The following ECE1 variants were observed in gnomAD, a reference collection of about 807,000 sequenced individuals.
The protein encoded by ECE1 is endothelin converting enzyme 1, also known as endothelin-converting enzyme 1.
In ECE1, 35 loss-of-function variants were observed where a neutral mutation model predicts 98.6. The observed-to-expected ratio is 0.35, with a 90% CI of 0.27 to 0.47. The LOEUF (loss-of-function observed/expected upper bound fraction) is 0.47. Among genes scored for constraint, ECE1 ranks in the 20% least tolerant of loss-of-function variants. The pLI, the probability that ECE1 is intolerant of heterozygous loss-of-function variation, is 1.00. For missense variants in ECE1, 814 were observed against 1,025.3 expected, an observed-to-expected ratio of 0.79 and a Z score of 2.81; for synonymous variants, 394 against 407.1, an observed-to-expected ratio of 0.97 and a Z score of 0.39.
chr1:21,227,881 G>T (rs2098176347), intron 15 of ECE1, 50 bp downstream of exon 15: 1 of 1,447,664 alleles, frequency 6.9e-7, no homozygotes, highest in Non-Finnish European at 9.5e-7. Context: ...TGGGCCCCAG[G>T]GCTGGGCTGG....
intron 1 of ECE1, among the ~76,000 whole-genome samples, chr1:21,323,628 A>G: frequency 7.6e-6 from 1 of 131,582 alleles, no homozygotes; most frequent in South Asian, 2.2e-4. Flanking sequence ...CGTCCCAAAA[A>G]ACTAAAAATA....
chr1:21,236,574 G>A lies in ECE1; in HGVS notation c.1488+172C>T, dbSNP rs750574503. The stretch of plus-strand genomic sequence containing the variant: ...TGAGGTGGGAGAATCGCTTGAACCC[G>A]GGAGGCGGAGGTTGCGGTGAGCCAA... On this transcript the variant is annotated intron_variant, in intron 12 of 18. Transcript: ENST00000374893. Among the ~76,000 whole-genome samples, 9 of 152,196 alleles carry A rather than the reference G, an allele frequency of 5.9e-5. No individual in the cohort carries two copies. The East Asian group carries it at 1.3e-3, about 23-fold the overall frequency.
At chr1:21,309,800 G>C (rs78515482) in intron 1 of ECE1, among the ~76,000 whole-genome samples, 1 of 31,014 alleles carries the variant, frequency 3.2e-5, no homozygotes, top group Non-Finnish European at 6.7e-5. Flanking sequence ...TTTTTTTTTT[G>C]AGACGTTTTG....
At position 21,236,795 on chromosome 1, in the gene ECE1, C is replaced by G; in HGVS notation, c.1439G>C (p.Ser480Thr). The G allele has an allele frequency of 6.2e-7, 1 of 1,614,086 alleles. No individual in the cohort carries two copies. Among genetic ancestry groups the G allele is most frequent in the Non-Finnish European group, 8.5e-7 (1 of 1,180,022 alleles). The part of the protein sequence containing the change: ...EIKKAFEESL[S>T]TLKWMDEETR... ...TTCCTCATCCATCCACTTCAGGGTG[C>G]TCAGGCTTTCCTCAAATGCCTTCTT... is the stretch of plus-strand genomic sequence containing the variant. The change falls in exon 12 of 19, where the codon AGC (serine) becomes ACC (threonine). Residue 480 changes from serine to threonine, a missense_variant. This residue lies in a region of ECE1 where 452 missense variants were observed against 567.3 expected (regional missense o/e 0.80). Coordinates refer to ENST00000374893, the MANE Select transcript of ECE1 (RefSeq NM_001397.3).
Position 21,235,822 on chromosome 1 carries a change from G to GC in ECE1, c.1566+27dup. 6.2e-7 allele frequency: 1 copy of GC among 1,612,172 alleles called. No homozygotes were observed. Among genetic ancestry groups the GC allele is most frequent in the Non-Finnish European group, 8.5e-7 (1 of 1,178,188 alleles). On this transcript the variant is annotated intron_variant, in intron 13 of 18. Coordinates refer to ENST00000374893, the MANE Select transcript of ECE1 (RefSeq NM_001397.3). The surrounding 1 kb of genome is among the most constrained non-coding windows in gnomAD (Gnocchi z 4.2). ...CTTTTCTAAGGGGGCATTTAGGAAC[G>GC]CAAGGGGGCAGGGCAGCAGCTACTC...
chr1:21,221,018 C>G (rs1296337138), intron 18 of ECE1, among the ~76,000 whole-genome samples: 3 of 152,202 alleles, frequency 2.0e-5, no homozygotes, highest in African/African-American at 7.2e-5. Flanking sequence ...GCATTCGATT[C>G]CATCTGAACA....
At position 21,235,472 on chromosome 1, in the gene ECE1, T is replaced by C. The variant is rs913854471; in HGVS notation, c.1566+378A>G. ...GAGGTGGTGTGGGGGTTTTCCCACT[T>C]CATACCCCACCCCTGATGTCTGAGG... On this transcript the variant is annotated intron_variant, in intron 13 of 18. Coordinates refer to ENST00000374893, the MANE Select transcript of ECE1 (RefSeq NM_001397.3). The surrounding 1 kb of genome is among the most constrained non-coding windows in gnomAD (Gnocchi z 4.2). 2.0e-5 allele frequency among the ~76,000 whole-genome samples: 3 copies of C among 152,014 alleles called. No homozygotes were observed. The highest frequency in any genetic ancestry group is 2.9e-5 in the Non-Finnish European group (2 of 68,010).
Position 21,312,351 on chromosome 1 carries a change from T to C in ECE1, c.4-22195A>G, listed in dbSNP as rs144976501. On this transcript the variant is annotated intron_variant, in intron 1 of 18. Coordinates refer to the ECE1 transcript ENST00000415912. ...TACTCAGGAGGCTGAGGTGGGAGGA[T>C]TGCTTGAGCCCCAGGAGGCTGAGGC... Among the ~76,000 whole-genome samples the C allele has an allele frequency of 3.6e-4, 54 of 150,336 alleles. No individual in the cohort carries two copies. In the East Asian group the frequency reaches 0.011, roughly 29 times the overall value.
chr1:21,309,011 G>C (rs150213979), intron 1 of ECE1, among the ~76,000 whole-genome samples: 454 of 152,330 alleles, frequency 3.0e-3, no homozygotes, highest in Non-Finnish European at 5.5e-3. Context: ...AGGGCACCTA[G>C]CAGGAATCTG....
intron 1 of ECE1, among the ~76,000 whole-genome samples, chr1:21,316,744 T>C (rs1431154513): frequency 6.6e-6 from 1 of 152,092 alleles, no homozygotes. Flanking sequence ...AGCCACATCA[T>C]GGGATGGAAT....
intron 4 of ECE1, among the ~76,000 whole-genome samples, chr1:21,270,450 A>G (rs1218525470): frequency 6.6e-6 from 1 of 152,188 alleles, no homozygotes; most frequent in Non-Finnish European, 1.5e-5. Context: ...TGTGGGACAG[A>G]GGAAAGGGCA....
intron 8 of ECE1, among the ~76,000 whole-genome samples, chr1:21,247,577 A>G (rs1305479481): frequency 6.6e-6 from 1 of 152,170 alleles, no homozygotes; most frequent in Non-Finnish European, 1.5e-5. Context: ...TTTAACCTGA[A>G]ATGGAATGAG....
chr1:21,300,485 A>C (rs1427715616), intron 1 of ECE1, among the ~76,000 whole-genome samples: 1 of 151,604 alleles, frequency 6.6e-6, no homozygotes, highest in Non-Finnish European at 1.5e-5. Flanking sequence ...CCCTAGCTGG[A>C]GTGTAGTAGT....
intron 1 of ECE1, among the ~76,000 whole-genome samples, chr1:21,315,847 G>T (rs1394976887): frequency 6.6e-6 from 1 of 151,122 alleles, no homozygotes; most frequent in Non-Finnish European, 1.5e-5. Flanking sequence ...TAGGATTCTA[G>T]GGCTCTATGA....
chr1:21,275,902 C>T (rs1044442713), intron 3 of ECE1, among the ~76,000 whole-genome samples: 3 of 152,086 alleles, frequency 2.0e-5, no homozygotes, highest in Non-Finnish European at 4.4e-5. Context: ...TGCTATGTCA[C>T]GACCATCTCC....
Position 21,225,463 on chromosome 1 carries a change from A to T in ECE1, c.1850-23T>A, listed in dbSNP as rs750180147. 35 of 1,612,258 alleles carry T rather than the reference A, an allele frequency of 2.2e-5. No individual in the cohort carries two copies. Among genetic ancestry groups the T allele is most frequent in the Non-Finnish European group, 2.7e-5 (32 of 1,179,378 alleles). On this transcript the variant is annotated intron_variant, in intron 16 of 18. Transcript: ENST00000374893. This position sits in a 1 kb window ranked among gnomAD's most constrained non-coding sequence, Gnocchi z 5.3. ...GTCCTGTGGGTCAGAGGGAGGCGTC[A>T]TGTCAAGGGAGGGAGGGGCACAGCA... is the stretch of plus-strand genomic sequence containing the variant.
In ECE1 at chr1:21,290,125, T is replaced by A. The variant is rs1228517753; in HGVS notation, c.83A>T (p.Glu28Val). The change falls in exon 2 of 19, where the codon GAG becomes GTG. Residue 28 changes from glutamate (E) to valine (V), a missense_variant. Glu to Val is a moderately radical substitution (Grantham distance 121). Around this residue, in one of 3 missense-constraint regions of ECE1, gnomAD observed 257 missense variants for 278.9 expected, o/e 0.92. Coordinates refer to ENST00000374893, the MANE Select transcript of ECE1 (RefSeq NM_001397.3). This position sits in a 1 kb window ranked among gnomAD's most constrained non-coding sequence, Gnocchi z 7.3. ...MSTYKRATLD[E>V]EDLVDSLSEG... is the part of the protein sequence containing the mutation. Reference sequence around the variant, plus strand: ...GGAGAGCGAGTCCACCAGGTCCTCCTCGTCCAGCGTGGCCCGCTTGTACGT... The same window carrying A: ...GGAGAGCGAGTCCACCAGGTCCTCCACGTCCAGCGTGGCCCGCTTGTACGT... 1 of 1,561,076 alleles carries A rather than the reference T, an allele frequency of 6.4e-7. No individual in the cohort carries two copies. Among genetic ancestry groups the A allele is most frequent in the Non-Finnish European group, 8.7e-7 (1 of 1,154,994 alleles).
Position 21,319,142 on chromosome 1 carries a change from C to T in ECE1, c.3+26234G>A, listed in dbSNP as rs1296672488. ...GGTGGATTGCCTGAGCTTAGGAGTT[C>T]GAGACCAGCTTGGGCAACATGGTGA... On this transcript the variant is annotated intron_variant, in intron 1 of 18. Transcript: ENST00000415912. This position sits in a 1 kb window ranked among gnomAD's most constrained non-coding sequence, Gnocchi z 4.4. Among the ~76,000 whole-genome samples the T allele has an allele frequency of 2.6e-5, 4 of 152,062 alleles. No individual in the cohort carries two copies. Among genetic ancestry groups the T allele is most frequent in the African/African-American group, 4.8e-5 (2 of 41,382 alleles).
At position 21,340,033 on chromosome 1, in the gene ECE1, T is replaced by C. The variant is rs1462474571; in HGVS notation, c.3+5343A>G. 6.6e-6 allele frequency among the ~76,000 whole-genome samples: 1 copy of C among 152,244 alleles called. No individual in the cohort carries two copies. The highest frequency in any genetic ancestry group is 1.9e-4 in the East Asian group (1 of 5,204). On this transcript the variant is annotated intron_variant, in intron 1 of 18. Transcript: ENST00000415912. The surrounding 1 kb of genome is among the most constrained non-coding windows in gnomAD (Gnocchi z 4.6). ...TGAACCCCCCTCCTAATTTTTTATG[T>C]GTCCAAAACTTGGCGTCTAGGAAGC...
Sources: gnomAD v4.1 joint callset for allele counts (sites outside exome capture counted in the v4.1 genomes callset) on GRCh38, gnomAD v4.1.1 for gene constraint, gnomAD v4.1.1 regional missense constraint, Gnocchi (gnomAD v3.1) non-coding constraint, MANE v1.5 for transcripts, NCBI Gene and HGNC (gene_info 2026-07-23, HGNC 2026-07-21) for gene names.